Variants in GALNT13 observed in about 807,000 individuals in gnomAD.
GALNT13 encodes the protein polypeptide N-acetylgalactosaminyltransferase 13, also known as UDP-GalNAc:polypeptide N-acetylgalactosaminyltransferase 13.
In GALNT13, 28 loss-of-function variants were observed where a neutral mutation model predicts 64.2. The observed-to-expected ratio is 0.44, with a 90% CI of 0.32 to 0.60. The LOEUF (loss-of-function observed/expected upper bound fraction) is 0.60, where lower values mean the gene tolerates loss of function less well. Ranked by LOEUF, GALNT13 falls within the 20% of genes least tolerant of loss-of-function variation. GALNT13 has a pLI of 0.05. For missense variants in GALNT13, 577 were observed against 669.8 expected (o/e 0.86, Z 1.53); for synonymous variants, 214 against 224.6 (o/e 0.95, Z 0.42).
chr2:153,248,803 G>A, the GALNT13 span, among the ~76,000 whole-genome samples: 47 of 120,584 alleles, frequency 3.9e-4, 1 homozygote, highest in Admixed American at 4.5e-3. Flanking sequence ...GCGACTGAGC[G>A]AGACTCTGTC....
At chr2:153,284,300 G>A in the GALNT13 span, among the ~76,000 whole-genome samples, 1 of 152,112 alleles carries the variant, frequency 6.6e-6, no homozygotes, top group Non-Finnish European at 1.5e-5. Flanking sequence ...CTACAGGCCT[G>A]CAATTTGGGA....
the GALNT13 span, among the ~76,000 whole-genome samples, chr2:153,860,198 T>A: frequency 1.3e-5 from 2 of 152,244 alleles, no homozygotes; most frequent in African/African-American, 4.8e-5. Flanking sequence ...CAAAATATTA[T>A]GATAAAATAA....
the GALNT13 span, among the ~76,000 whole-genome samples, chr2:153,186,854 C>A: frequency 6.6e-6 from 1 of 152,358 alleles, no homozygotes; most frequent in African/African-American, 2.4e-5. Flanking sequence ...GCATAAGCCA[C>A]TGTGCCCAGC....
the GALNT13 span, among the ~76,000 whole-genome samples, chr2:153,821,737 G>A: frequency 6.6e-6 from 1 of 152,060 alleles, no homozygotes; most frequent in Non-Finnish European, 1.5e-5. Context: ...TAAAATCAGA[G>A]CAGAACTGAA....
At chr2:154,283,110 T>A (rs1212169492) in intron 8 of GALNT13, among the ~76,000 whole-genome samples, 1 of 152,194 alleles carries the variant, frequency 6.6e-6, no homozygotes, top group Non-Finnish European at 1.5e-5. Context: ...CTTCAGCATC[T>A]CAATGAAGGC....
the GALNT13 span, among the ~76,000 whole-genome samples, chr2:153,682,210 A>C: frequency 2.6e-5 from 4 of 151,664 alleles, no homozygotes; most frequent in South Asian, 8.3e-4. Context: ...TGTCATATTT[A>C]TGGCATTTTT....
chr2:153,453,842 A>T, the GALNT13 span, among the ~76,000 whole-genome samples: 2 of 152,214 alleles, frequency 1.3e-5, no homozygotes, highest in Non-Finnish European at 2.9e-5. Context: ...GACTATTCAC[A>T]ATAACAAAGA....
At chr2:153,577,492 T>C in the GALNT13 span, among the ~76,000 whole-genome samples, 1 of 152,076 alleles carries the variant, frequency 6.6e-6, no homozygotes, top group Non-Finnish European at 1.5e-5. Flanking sequence ...AGCAGAAAAA[T>C]TGATAAATAT....
chr2:153,800,742 CAT>C, the GALNT13 span, among the ~76,000 whole-genome samples: 171 of 152,266 alleles, frequency 1.1e-3, no homozygotes, highest in African/African-American at 4.1e-3. Flanking sequence ...TTTATTGTGA[CAT>C]TGCCTCAATC....
At chr2:154,008,544 T>C (rs776880) in intron 3 of GALNT13, among the ~76,000 whole-genome samples, 1,870 of 152,184 alleles carry the variant, frequency 0.012, 32 homozygotes, top group African/African-American at 0.043. Context: ...GTAATAAGCA[T>C]AGTACCCCAT....
the GALNT13 span, among the ~76,000 whole-genome samples, chr2:153,307,889 A>G: frequency 6.6e-6 from 1 of 152,160 alleles, no homozygotes; most frequent in Non-Finnish European, 1.5e-5. Context: ...ATTCAGATGT[A>G]TAAATAACTC....
the GALNT13 span, among the ~76,000 whole-genome samples, chr2:153,727,834 C>A: frequency 6.6e-6 from 1 of 151,964 alleles, no homozygotes; most frequent in East Asian, 1.9e-4. Context: ...GCCAATCAAC[C>A]CGTCATTCAG....
At chr2:154,216,802 C>CTTTT (rs397872685) in intron 4 of GALNT13, among the ~76,000 whole-genome samples, 125 of 71,298 alleles carry the variant, frequency 1.8e-3, no homozygotes, top group Non-Finnish European at 2.0e-3. Flanking sequence ...TTCTCTCTCT[C>CTTTT]TTTTTTTTTT....
At chr2:153,165,410 A>T in the GALNT13 span, among the ~76,000 whole-genome samples, 4 of 152,180 alleles carry the variant, frequency 2.6e-5, no homozygotes, top group African/African-American at 7.2e-5. Context: ...ATTCCTCATA[A>T]TTCTTATACC....
chr2:153,842,136 G>C, the GALNT13 span, among the ~76,000 whole-genome samples: 2 of 152,012 alleles, frequency 1.3e-5, no homozygotes, highest in African/African-American at 2.4e-5. Flanking sequence ...ATGGGGAGGT[G>C]GGGGGAGCTG....
the GALNT13 span, among the ~76,000 whole-genome samples, chr2:153,558,415 G>C: frequency 1.8e-4 from 27 of 152,310 alleles, no homozygotes; most frequent in Non-Finnish European, 3.1e-4. Context: ...CTTAAGAAGA[G>C]TGGTTCTGTC....
intron 9 of GALNT13, among the ~76,000 whole-genome samples, chr2:154,352,851 G>A (rs905872349): frequency 4.6e-5 from 7 of 152,098 alleles, no homozygotes; most frequent in Non-Finnish European, 1.0e-4. Context: ...GTGGAATTTG[G>A]CAAGTCCAGT....
At chr2:153,509,745 G>T in the GALNT13 span, among the ~76,000 whole-genome samples, 2 of 152,136 alleles carry the variant, frequency 1.3e-5, no homozygotes, top group Non-Finnish European at 2.9e-5. Context: ...CTCTCCCAGG[G>T]CTAGACCATG....
the GALNT13 span, among the ~76,000 whole-genome samples, chr2:153,344,267 G>C: frequency 2.0e-5 from 3 of 152,170 alleles, no homozygotes; most frequent in Non-Finnish European, 1.5e-5. Flanking sequence ...CTTTGTAAAA[G>C]CGAAAGGATG....
Sources: allele counts gnomAD v4.1 joint callset (sites outside exome capture counted in the v4.1 genomes callset), GRCh38; gene constraint gnomAD v4.1.1; transcripts MANE v1.5; gene names NCBI Gene and HGNC (gene_info 2026-07-23, HGNC 2026-07-21).